The following ABLIM1 variants were observed in gnomAD, a reference collection of about 807,000 sequenced individuals.
ABLIM1 encodes the protein actin binding LIM protein 1.
A neutral mutation model predicts 107.0 loss-of-function variants in ABLIM1; 40 were observed. That is an observed-to-expected ratio of 0.37 (90% CI 0.29 to 0.49). The LOEUF (loss-of-function observed/expected upper bound fraction) is 0.49, where lower values mean the gene tolerates loss of function less well. Among genes scored for constraint, ABLIM1 ranks in the 20% least tolerant of loss-of-function variants. The pLI, the probability that ABLIM1 is intolerant of heterozygous loss-of-function variation, is 0.97. For synonymous variants in ABLIM1, 357 were observed against 357.3 expected, an observed-to-expected ratio of 1.00 and a Z score of 0.01; for missense variants, 857 against 1,008.5, an observed-to-expected ratio of 0.85 and a Z score of 2.04.
At chr10:114,635,666 AGT>A (rs2078442607) in intron 1 of ABLIM1, among the ~76,000 whole-genome samples, 1 of 152,182 alleles carries the variant, frequency 6.6e-6, no homozygotes, top group Non-Finnish European at 1.5e-5. Flanking sequence ...CTGGGATTGC[AGT>A]GCGCCACCAC....
intron 1 of ABLIM1, among the ~76,000 whole-genome samples, chr10:114,722,911 C>T (rs1244329520): frequency 6.6e-6 from 1 of 152,138 alleles, no homozygotes; most frequent in Non-Finnish European, 1.5e-5. Context: ...TAACCCAGCT[C>T]AAGCTGAGCT....
chr10:114,614,571 G>A (rs950034133), intron 1 of ABLIM1, among the ~76,000 whole-genome samples: 3 of 152,102 alleles, frequency 2.0e-5, no homozygotes, highest in African/African-American at 2.4e-5. Flanking sequence ...AAATCTGAAC[G>A]AGATGCCATC....
intron 1 of ABLIM1, among the ~76,000 whole-genome samples, chr10:114,647,525 T>C (rs192276152): frequency 4.1e-4 from 62 of 152,358 alleles, no homozygotes; most frequent in African/African-American, 1.4e-3. Flanking sequence ...ATTCTAGTGA[T>C]GTCAAAAATG....
At chr10:114,526,885 G>A in intron 6 of ABLIM1, 10 of 985,498 alleles carry the variant, frequency 1.0e-5, no homozygotes, top group Non-Finnish European at 1.2e-5. Flanking sequence ...AACCAGCCCC[G>A]TGTGCGGCGG....
chr10:114,681,486 C>G (rs1002582257), intron 1 of ABLIM1, among the ~76,000 whole-genome samples: 2 of 152,222 alleles, frequency 1.3e-5, no homozygotes, highest in Non-Finnish European at 2.9e-5. Flanking sequence ...TGAGCCATCA[C>G]GCCTGGCCTA....
intron 1 of ABLIM1, among the ~76,000 whole-genome samples, chr10:114,667,431 TAC>T (rs2080072327): frequency 6.6e-6 from 1 of 152,240 alleles, no homozygotes; most frequent in Non-Finnish European, 1.5e-5. Context: ...TTCCTACACA[TAC>T]AGTCTTTTCT....
chr10:114,568,527 C>A (rs1394429244), intron 4 of ABLIM1, among the ~76,000 whole-genome samples: 1 of 152,186 alleles, frequency 6.6e-6, no homozygotes, highest in Non-Finnish European at 1.5e-5. Context: ...CAATGAATTT[C>A]TGAAACTTGC....
chr10:114,603,225 C>G (rs1023219600), intron 1 of ABLIM1, among the ~76,000 whole-genome samples: 3 of 152,284 alleles, frequency 2.0e-5, no homozygotes, highest in Non-Finnish European at 1.5e-5. Context: ...ACAAGGAGCT[C>G]GCTGTATACC....
chr10:114,658,017 A>G lies in ABLIM1; in HGVS notation c.184T>C (p.Tyr62His). 8 of 1,614,196 alleles carry G rather than the reference A, an allele frequency of 5.0e-6. No homozygotes were observed. The highest frequency in any genetic ancestry group is 6.8e-6 in the Non-Finnish European group (8 of 1,180,022). The change falls in exon 1 of 23, where the codon TAT becomes CAT. Residue 62 changes from tyrosine (Y) to histidine (H), a missense_variant. Tyr to His is a moderately conservative substitution (Grantham distance 83). Transcript: ENST00000533213. The stretch of plus-strand genomic sequence containing the variant: ...GGGCAGTAGTCCTTGGGACAGAGAT[A>G]CAGCAAATGAGTGATAGTGGCACGC... The part of the protein sequence containing the change: ...HRRATITHLL[Y>H]LCPKDYCPRG...
intron 6 of ABLIM1, among the ~76,000 whole-genome samples, chr10:114,522,697 G>A (rs570057121): frequency 3.2e-4 from 48 of 152,338 alleles, no homozygotes; most frequent in Middle Eastern, 3.4e-3. Context: ...ACACAAACAC[G>A]TATTTGCTAA....
At chr10:114,719,975 C>T (rs550777524) in intron 1 of ABLIM1, among the ~76,000 whole-genome samples, 1 of 152,286 alleles carries the variant, frequency 6.6e-6, no homozygotes, top group South Asian at 2.1e-4. Flanking sequence ...AACCCATCAC[C>T]TAGGTATTAA....
intron 12 of ABLIM1, among the ~76,000 whole-genome samples, chr10:114,456,585 G>A (rs1425684877): frequency 2.0e-5 from 3 of 152,052 alleles, no homozygotes; most frequent in Admixed American, 6.6e-5. Context: ...GTAGGTTTTG[G>A]TTATAATACA....
chr10:114,566,655 C>A lies in ABLIM1; in HGVS notation c.673+4642G>T, dbSNP rs1438627922. ...TCTTGCTTTCACGTAATGTTTATTGCTTATTGGATTCAAATTGCATTAGAC... is the reference window on the plus strand; with the variant it reads ...TCTTGCTTTCACGTAATGTTTATTGATTATTGGATTCAAATTGCATTAGAC... On this transcript the variant is annotated intron_variant, in intron 4 of 22. Transcript: ENST00000533213. 2.6e-5 allele frequency among the ~76,000 whole-genome samples: 4 copies of A among 152,152 alleles called. 1 individual carries two copies. The highest frequency in any genetic ancestry group is 9.7e-5 in the African/African-American group (4 of 41,422).
the ABLIM1 span, among the ~76,000 whole-genome samples, chr10:114,781,075 A>G: frequency 6.6e-6 from 1 of 152,192 alleles, no homozygotes; most frequent in Non-Finnish European, 1.5e-5. Flanking sequence ...ACCAACAAGT[A>G]TTTGAATAAA....
chr10:114,491,703 C>T (rs2059020729), intron 7 of ABLIM1, 88 bp downstream of exon 7: 1 of 1,305,866 alleles, frequency 7.7e-7, no homozygotes. Flanking sequence ...AATAACATGC[C>T]TCCTTCTCTA....
intron 1 of ABLIM1, among the ~76,000 whole-genome samples, chr10:114,651,285 A>G (rs567268276): frequency 6.6e-6 from 1 of 152,318 alleles, no homozygotes; most frequent in Non-Finnish European, 1.5e-5. Context: ...CCTTGCCCTC[A>G]GAGAGGACCT....
At chr10:114,638,553 C>T (rs1215168628) in intron 1 of ABLIM1, among the ~76,000 whole-genome samples, 1 of 152,018 alleles carries the variant, frequency 6.6e-6, no homozygotes, top group Non-Finnish European at 1.5e-5. Flanking sequence ...GCCATGGGCC[C>T]TCTCTTTGGG....
chr10:114,526,891 G>A, intron 6 of ABLIM1: 3 of 985,458 alleles, frequency 3.0e-6, no homozygotes, highest in Non-Finnish European at 3.6e-6. Flanking sequence ...CCCCGTGTGC[G>A]GCGGGCAGGC....
chr10:114,569,088 A>T (rs926418693), intron 4 of ABLIM1, among the ~76,000 whole-genome samples: 1 of 152,106 alleles, frequency 6.6e-6, no homozygotes, highest in East Asian at 1.9e-4. Flanking sequence ...GCAAGCAAAA[A>T]ACCAGGAGCC....
Sources: gnomAD v4.1 joint callset for allele counts (sites outside exome capture counted in the v4.1 genomes callset) on GRCh38, gnomAD v4.1.1 for gene constraint, MANE v1.5 for transcripts, NCBI Gene and HGNC (gene_info 2026-07-23, HGNC 2026-07-21) for gene names.